Variants in SHF observed in about 807,000 individuals in gnomAD.
SHF encodes the protein Src homology 2 domain containing F.
A neutral mutation model predicts 42.4 loss-of-function variants in SHF; 30 were observed. That is an observed-to-expected ratio of 0.71 (90% CI 0.53 to 0.96). The LOEUF (loss-of-function observed/expected upper bound fraction) is 0.96, where lower values mean the gene tolerates loss of function less well. SHF is among the 40% of genes least tolerant of loss of function. The pLI is 0.00. For synonymous variants in SHF, 264 were observed against 269.9 expected (o/e 0.98, Z 0.21); for missense variants, 598 against 634.0 (o/e 0.94, Z 0.61).
At chr15:45,182,025 T>A (rs1360866223) in intron 1 of SHF, among the ~76,000 whole-genome samples, 2 of 152,278 alleles carry the variant, frequency 1.3e-5, no homozygotes, top group South Asian at 4.1e-4. Flanking sequence ...TCTGCTATAT[T>A]GTGTCTGTTC....
At chr15:45,183,226 G>A (rs543240668) in intron 1 of SHF, among the ~76,000 whole-genome samples, 1 of 152,322 alleles carries the variant, frequency 6.6e-6, no homozygotes, top group Admixed American at 6.5e-5. Flanking sequence ...GAGAAACCGT[G>A]CAAGTGTGAC....
chr15:45,175,148 C>T, intron 3 of SHF, 71 bp downstream of exon 3: 1 of 1,493,840 alleles, frequency 6.7e-7, no homozygotes, highest in Non-Finnish European at 9.0e-7. Context: ...GGGGTCCACT[C>T]CTTCCATTCT....
At chr15:45,191,338 A>G (rs1402830348), upstream of SHF, among the ~76,000 whole-genome samples, 1 of 152,144 alleles carries the variant, frequency 6.6e-6, no homozygotes, top group Non-Finnish European at 1.5e-5. Flanking sequence ...GCACATTACC[A>G]TACCTGGCTA....
intron 4 of SHF, 61 bp from the exon 5 acceptor site, chr15:45,172,379 T>G (rs1897553936): frequency 2.0e-6 from 3 of 1,472,726 alleles, no homozygotes; most frequent in Non-Finnish European, 2.7e-6. Flanking sequence ...AGGTCCCTAT[T>G]GAATAGCCAG....
Position 45,167,934 on chromosome 15 carries a change from C to T in SHF, c.*13G>A. 1.3e-6 allele frequency: 2 copies of T among 1,583,918 alleles called. No homozygotes were observed. Among genetic ancestry groups the T allele is most frequent in the South Asian group, 1.2e-5 (1 of 85,786 alleles). ...GCTGGGTACAGGTCTATCACAGTGCCCTGGCTTCACATCTAAAGAGTCCGG... is the reference window on the plus strand; with the variant it reads ...GCTGGGTACAGGTCTATCACAGTGCTCTGGCTTCACATCTAAAGAGTCCGG... On this transcript the variant is annotated 3_prime_UTR_variant, in exon 7 of 7. Transcript: ENST00000690270.
upstream of SHF, chr15:45,187,980 G>T (rs867014085): frequency 3.6e-6 from 4 of 1,125,526 alleles, no homozygotes; most frequent in East Asian, 4.1e-5. Flanking sequence ...CGAGGGGAGC[G>T]CAGCGGCGGG....
chr15:45,197,985 G>C (rs930215981), intron 2 of SHF, among the ~76,000 whole-genome samples: 1 of 152,132 alleles, frequency 6.6e-6, no homozygotes, highest in African/African-American at 2.4e-5. Context: ...AAAATAATTG[G>C]TGGATAGGGT....
intron 3 of SHF, 29 bp from the exon 4 acceptor site, chr15:45,173,745 A>G: frequency 6.4e-7 from 1 of 1,550,946 alleles, no homozygotes; most frequent in Non-Finnish European, 8.7e-7. Flanking sequence ...GTGAGAAGAG[A>G]GACAGACAGT....
intron 1 of SHF, chr15:45,200,655 C>T (rs1019988872): frequency 5.8e-5 from 26 of 448,920 alleles, no homozygotes; most frequent in Admixed American, 1.2e-4. Flanking sequence ...GATTTTGGTC[C>T]ACACTTGCCT....
At chr15:45,196,987 G>T (rs1898887124) in intron 2 of SHF, among the ~76,000 whole-genome samples, 1 of 150,800 alleles carries the variant, frequency 6.6e-6, no homozygotes, top group Non-Finnish European at 1.5e-5. Context: ...AAGAAAGAAA[G>T]ACCTAAAAGG....
intron 2 of SHF, among the ~76,000 whole-genome samples, chr15:45,193,252 G>T (rs1898758936): frequency 6.6e-6 from 1 of 152,194 alleles, no homozygotes; most frequent in Non-Finnish European, 1.5e-5. Flanking sequence ...CAAGGCTAAG[G>T]ATGCACACAT....
At chr15:45,175,144 C>G in intron 3 of SHF, 75 bp downstream of exon 3, 1 of 1,469,412 alleles carries the variant, frequency 6.8e-7, no homozygotes, top group Non-Finnish European at 9.2e-7. Context: ...TCCTGGGGTC[C>G]ACTCCTTCCA....
chr15:45,178,311 G>C lies in SHF; in HGVS notation c.499-5C>G. 6.2e-7 allele frequency: 1 copy of C among 1,612,214 alleles called. No homozygotes were observed. ...ATAGTCTTCTAGGATAGCTAGCTGT[G>C]GGAGGAGAGTGAAGAGAGTGGGCTT... is the stretch of plus-strand genomic sequence containing the variant. On this transcript the variant is annotated splice_region_variant and splice_polypyrimidine_tract_variant and intron_variant, in intron 1 of 6. Coordinates refer to ENST00000690270, the MANE Select transcript of SHF (RefSeq NM_001394037.1).
exon 1 of SHF, chr15:45,200,813 C>T: frequency 4.4e-6 from 2 of 456,270 alleles, no homozygotes; most frequent in Non-Finnish European, 8.8e-6. Context: ...CAGCCAAAGT[C>T]GTTCAGATAG....
upstream of SHF, chr15:45,188,044 G>C (rs1158642144): frequency 2.6e-6 from 1 of 386,162 alleles, no homozygotes; most frequent in Admixed American, 5.3e-5. Context: ...GGGCGGGGAG[G>C]GGGCGGGGCG....
chr15:45,173,738 A>G (rs367725906), intron 3 of SHF, 22 bp from the exon 4 acceptor site: 1 of 1,551,460 alleles, frequency 6.4e-7, no homozygotes, highest in African/African-American at 1.4e-5. Context: ...AGCAGAAGTG[A>G]GAAGAGAGAC....
chr15:45,189,434 G>A (rs76266371), upstream of SHF, among the ~76,000 whole-genome samples: 3 of 125,218 alleles, frequency 2.4e-5, no homozygotes, highest in Non-Finnish European at 4.7e-5. Flanking sequence ...TCACTCCGTC[G>A]CTGGAGTACA....
chr15:45,195,580 A>C (rs1051386443), intron 2 of SHF, among the ~76,000 whole-genome samples: 10 of 152,088 alleles, frequency 6.6e-5, no homozygotes, highest in African/African-American at 2.2e-4. Context: ...TTTTTAAATA[A>C]ATTTAATACA....
intron 2 of SHF, among the ~76,000 whole-genome samples, chr15:45,197,761 T>C (rs1898910666): frequency 6.8e-6 from 1 of 147,236 alleles, no homozygotes; most frequent in Non-Finnish European, 1.5e-5. Flanking sequence ...CTCTTCCCAG[T>C]AAAGGGAGAT....
Sources: gnomAD v4.1 joint callset for allele counts (sites outside exome capture counted in the v4.1 genomes callset) on GRCh38, gnomAD v4.1.1 for gene constraint, MANE v1.5 for transcripts, NCBI Gene and HGNC (gene_info 2026-07-23, HGNC 2026-07-21) for gene names.